The following DYNC2H1 variants were observed in gnomAD, a reference collection of about 807,000 sequenced individuals.
DYNC2H1 encodes the protein dynein cytoplasmic 2 heavy chain 1.
A neutral mutation model predicts 570.0 loss-of-function variants in DYNC2H1; 410 were observed. The observed-to-expected ratio is 0.72, with a 90% CI of 0.66 to 0.78. DYNC2H1 has a LOEUF of 0.78. Among genes scored for constraint, DYNC2H1 ranks in the 30% least tolerant of loss-of-function variants. DYNC2H1 has a pLI of 0.00. For missense variants in DYNC2H1, 4,865 were observed against 5,046.4 expected (o/e 0.96, Z 1.09); for synonymous variants, 1,688 against 1,677.6 (o/e 1.01, Z -0.15).
chr11:103,456,280 T>G lies in DYNC2H1; in HGVS notation c.12572T>G (p.Val4191Gly). 3 of 1,607,938 alleles carry G rather than the reference T, an allele frequency of 1.9e-6. No individual in the cohort carries two copies. Among genetic ancestry groups the G allele is most frequent in the Non-Finnish European group, 2.5e-6 (3 of 1,176,534 alleles). Reference sequence around the variant, plus strand: ...TTGATGCTTTACCTTTACAGGGCAGTGGGTCGTTCTGTGGATAGCCTTAAA... The same window carrying G: ...TTGATGCTTTACCTTTACAGGGCAGGGGGTCGTTCTGTGGATAGCCTTAAA... Reference protein sequence around the residue: ...NALRQETARAVGRSVDSLKFV... With the variant: ...NALRQETARAGGRSVDSLKFV... Residue 4191 changes from valine (V) to glycine (G), a missense_variant, in exon 87 of 89, where the codon GTG (valine) becomes GGG (glycine). Physicochemically the swap from Val to Gly is moderately radical, Grantham distance 109. Around this residue, in one of 5 missense-constraint regions of DYNC2H1, gnomAD observed 2,401 missense variants for 2,454.6 expected, o/e 0.98. Transcript: ENST00000375735.
chr11:103,309,823 A>G (rs573143493), intron 78 of DYNC2H1, among the ~76,000 whole-genome samples: 1 of 152,226 alleles, frequency 6.6e-6, no homozygotes, highest in East Asian at 1.9e-4. Context: ...ATATTTCGAT[A>G]AGAGAGTATT....
At chr11:103,460,839 ATTCTT>A (rs1226875312) in intron 87 of DYNC2H1, among the ~76,000 whole-genome samples, 2 of 151,976 alleles carry the variant, frequency 1.3e-5, no homozygotes, top group African/African-American at 4.8e-5. Flanking sequence ...AGTGAGCAAA[ATTCTT>A]TTATTTTTCA....
rs2135312285 is a variant in DYNC2H1 at position 103,272,590 on chromosome 11, A to C, written c.10696-7758A>C. Among the ~76,000 whole-genome samples, 2 of 152,278 alleles carry C rather than the reference A, an allele frequency of 1.3e-5. 1 individual carries two copies. The highest frequency in any genetic ancestry group is 4.1e-4 in the South Asian group (2 of 4,826). ...AGTATAATTAAATAAATAAATAAAT[A>C]AATAAAAAAGAAATTCTAGTGCATC... On this transcript the variant is annotated intron_variant, in intron 70 of 88. Transcript: ENST00000375735.
intron 52 of DYNC2H1, among the ~76,000 whole-genome samples, chr11:103,207,565 C>T (rs375443800): frequency 6.6e-6 from 1 of 151,874 alleles, no homozygotes; most frequent in Admixed American, 6.6e-5. Context: ...GAAGATTATC[C>T]CCTGAGGGAA....
intron 17 of DYNC2H1, among the ~76,000 whole-genome samples, chr11:103,142,677 A>C (rs1860016591): frequency 6.6e-6 from 1 of 152,156 alleles, no homozygotes; most frequent in African/African-American, 2.4e-5. Context: ...TCAAGAAAAA[A>C]AGAAAATGTG....
chr11:103,231,492 G>T, intron 60 of DYNC2H1, 146 bp downstream of exon 60: 3 of 445,230 alleles, frequency 6.7e-6, no homozygotes, highest in East Asian at 3.6e-5. Context: ...TCTTTTTAAG[G>T]GTACATTATT....
chr11:103,135,643 T>C lies in DYNC2H1; in HGVS notation c.2345+9T>C, dbSNP rs772122634. The C allele has an allele frequency of 1.9e-5, 31 of 1,609,638 alleles. No homozygotes were observed. The highest frequency in any genetic ancestry group is 2.5e-5 in the Non-Finnish European group (30 of 1,178,758). On this transcript the variant is annotated intron_variant, in intron 16 of 88. Transcript: ENST00000375735. ...ATAGACTTAACTTACAAGTAAGATG[T>C]TTTTTCAACCCCAATTTAATGTTCA...
In DYNC2H1 at chr11:103,148,505, T is replaced by G; in HGVS notation, c.2834T>G (p.Ile945Ser). Residue 945 changes from isoleucine to serine, a missense_variant, in exon 20 of 89, where the codon ATT becomes AGT. By Grantham distance (142) the Ile-to-Ser change is moderately radical. This residue lies in a region of DYNC2H1 where 1,936 missense variants were observed against 1,962.1 expected (regional missense o/e 0.99). Coordinates refer to ENST00000375735, the MANE Select transcript of DYNC2H1 (RefSeq NM_001377.3). ...KKSIQAHLHE[I>S]DTFVTEAMEV... ...TACCACTCAGCTCATTTACATGAAA[T>G]TGATACATTTGTTACTGAGGCTATG... The G allele has an allele frequency of 2.6e-6, 4 of 1,560,962 alleles. No individual in the cohort carries two copies. The highest frequency in any genetic ancestry group is 3.5e-6 in the Non-Finnish European group (4 of 1,151,252).
At chr11:103,415,490 G>C (rs9736493) in intron 84 of DYNC2H1, among the ~76,000 whole-genome samples, 2,504 of 152,156 alleles carry the variant, frequency 0.016, 74 homozygotes, top group African/African-American at 0.057. Flanking sequence ...GTGGGCAAAG[G>C]ATATGAACAG....
chr11:103,152,108 A>G (rs1331727415), intron 20 of DYNC2H1, 28 bp from the exon 21 acceptor site: 27 of 1,248,668 alleles, frequency 2.2e-5, no homozygotes, highest in Non-Finnish European at 2.9e-5. Flanking sequence ...GTTGTTATTC[A>G]ATTTGTTTTT....
chr11:103,140,673 A>G (rs968369109), intron 17 of DYNC2H1, among the ~76,000 whole-genome samples: 7 of 151,990 alleles, frequency 4.6e-5, no homozygotes, highest in Non-Finnish European at 1.0e-4. Flanking sequence ...GAATCTGACA[A>G]TTATGTGTCT....
At chr11:103,310,886 A>G (rs897984082) in intron 78 of DYNC2H1, among the ~76,000 whole-genome samples, 1 of 151,454 alleles carries the variant, frequency 6.6e-6, no homozygotes, top group Non-Finnish European at 1.5e-5. Context: ...TATTTTTAGT[A>G]GAGGCGGGTT....
chr11:103,435,258 G>A (rs1020667945), intron 84 of DYNC2H1, among the ~76,000 whole-genome samples: 13 of 151,958 alleles, frequency 8.6e-5, no homozygotes, highest in Admixed American at 2.6e-4. Flanking sequence ...TAAAATTGAC[G>A]TTCTCTCCTT....
At position 103,189,792 on chromosome 11, in the gene DYNC2H1, A is replaced by T. The variant is rs1862223391; in HGVS notation, c.7413A>T (p.Gly2471=). ...GSSSKIYLLA[G]SMVQVYEQVR... ...CATCAAAAATTTATCTTTTAGCAGG[A>T]TCTATGGTACAAGTGTATGAACAGG... is the stretch of plus-strand genomic sequence containing the variant. Residue 2471 remains glycine, a synonymous_variant, in exon 45 of 89, where the codon GGA becomes GGT. Transcript: ENST00000375735. This position sits in a 1 kb window ranked among gnomAD's most constrained non-coding sequence, Gnocchi z 4.3. 2 of 1,610,742 alleles carry T rather than the reference A, an allele frequency of 1.2e-6. No individual in the cohort carries two copies. Among genetic ancestry groups the T allele is most frequent in the Non-Finnish European group, 1.7e-6 (2 of 1,178,994 alleles).
At chr11:103,141,640 CTCAGGGG>C (rs1032991585) in intron 17 of DYNC2H1, among the ~76,000 whole-genome samples, 6 of 152,172 alleles carry the variant, frequency 3.9e-5, no homozygotes, top group African/African-American at 9.7e-5. Flanking sequence ...AGTTAGGCTG[CTCAGGGG>C]TCAGGGGTCA....
chr11:103,427,231 T>TGTTAAAA (rs1943705578), intron 84 of DYNC2H1, among the ~76,000 whole-genome samples: 1 of 152,116 alleles, frequency 6.6e-6, no homozygotes, highest in Admixed American at 6.6e-5. Context: ...AATGTACAAA[T>TGTTAAAA]AATCCACAAT....
intron 87 of DYNC2H1, among the ~76,000 whole-genome samples, chr11:103,457,209 T>C (rs313868): frequency 0.61 from 92,698 of 152,186 alleles, 30,011 homozygotes; most frequent in African/African-American, 0.82. Context: ...TTATGTATAG[T>C]ACATAATACT....
chr11:103,258,166 T>C, intron 69 of DYNC2H1, among the ~76,000 whole-genome samples: 1 of 152,252 alleles, frequency 6.6e-6, no homozygotes, highest in East Asian at 1.9e-4. Flanking sequence ...CACTGCCTTA[T>C]CAAGCATGTA....
rs114356149 is a variant in DYNC2H1, at chr11:103,324,164, T to G, written c.12039+174T>G. Among the ~76,000 whole-genome samples, 19 of 152,228 alleles carry G rather than the reference T, an allele frequency of 1.2e-4. No individual in the cohort carries two copies. Among genetic ancestry groups the G allele is most frequent in the Non-Finnish European group, 2.2e-4 (15 of 68,036 alleles). The stretch of plus-strand genomic sequence containing the variant: ...TTTTTAAAATATTTGATTTTCTGAT[T>G]TTTTTTCTTTTTAAACTTTTATTTT... On this transcript the variant is annotated intron_variant, in intron 82 of 88. Transcript: ENST00000375735. The surrounding 1 kb of genome is among the most constrained non-coding windows in gnomAD (Gnocchi z 5.2).
Sources: gnomAD v4.1 joint callset for allele counts (sites outside exome capture counted in the v4.1 genomes callset) on GRCh38, gnomAD v4.1.1 for gene constraint, gnomAD v4.1.1 regional missense constraint, Gnocchi (gnomAD v3.1) non-coding constraint, MANE v1.5 for transcripts, NCBI Gene and HGNC (gene_info 2026-07-23, HGNC 2026-07-21) for gene names.